DYDC2: variants seen among roughly 807,000 people sequenced by gnomAD.
DYDC2 encodes the protein DPY30 domain-containing protein 2.
Under a neutral mutation model 18.7 loss-of-function variants are expected in DYDC2, and 19 were observed. That is an observed-to-expected ratio of 1.02 (90% CI 0.71 to 1.49). DYDC2 has a LOEUF of 1.49. DYDC2 is among the 40% of genes most tolerant of loss of function. The pLI is 0.00. For synonymous variants in DYDC2, 63 were observed against 67.6 expected (o/e 0.93, Z 0.34); for missense variants, 179 against 205.1 (o/e 0.87, Z 0.78).
chr10:80,358,958 G>C (rs1315123012), intron 2 of DYDC2, among the ~76,000 whole-genome samples: 1 of 152,178 alleles, frequency 6.6e-6, no homozygotes, highest in Non-Finnish European at 1.5e-5. Flanking sequence ...GAGTGTTACA[G>C]CTCATAAAGG....
intron 4 of DYDC2, 54 bp from the exon 5 acceptor site, chr10:80,366,634 T>A: frequency 6.5e-7 from 1 of 1,537,414 alleles, no homozygotes; most frequent in East Asian, 2.3e-5. Flanking sequence ...GCCATACATC[T>A]TGTGTGCTTT....
At chr10:80,358,605 A>C (rs1023681653) in intron 2 of DYDC2, among the ~76,000 whole-genome samples, 1 of 152,210 alleles carries the variant, frequency 6.6e-6, no homozygotes, top group Non-Finnish European at 1.5e-5. Context: ...GAGAATGCAG[A>C]GTTGGTGATT....
Position 80,367,218 on chromosome 10 carries a change from A to C in DYDC2, c.*267A>C. 1 of 369,712 alleles carries C rather than the reference A, an allele frequency of 2.7e-6. No individual in the cohort carries two copies. The highest frequency in any genetic ancestry group is 4.8e-6 in the Non-Finnish European group (1 of 207,306). 22.9% of individuals were successfully genotyped at this position (369,712 alleles called of 1,614,324 possible). A position where few individuals can be genotyped will look rare whatever the true frequency, so the allele number is the denominator to read the frequency against. ...ACGTTTTGGAGACTACACAATGAAA[A>C]CACATCTGTTGGGGTGATCAGACCC... On this transcript the variant is annotated 3_prime_UTR_variant, in exon 5 of 5. Coordinates refer to ENST00000256039, the MANE Select transcript of DYDC2 (RefSeq NM_032372.6).
At chr10:80,360,887 C>T (rs1359749521) in intron 2 of DYDC2, among the ~76,000 whole-genome samples, 1 of 151,758 alleles carries the variant, frequency 6.6e-6, no homozygotes, top group Non-Finnish European at 1.5e-5. Flanking sequence ...AGCCCTGCCC[C>T]CAACCCCTCC....
intron 1 of DYDC2, 44 bp from the exon 2 acceptor site, chr10:80,357,849 G>A: frequency 2.0e-6 from 2 of 985,594 alleles, no homozygotes; most frequent in Non-Finnish European, 2.4e-6. Flanking sequence ...CATGAGGGCA[G>A]GTGGCAGAAC....
In DYDC2 at chr10:80,349,544, T is replaced by G. The variant is rs541958813; in HGVS notation, c.-310+4729T>G. 1.7e-3 allele frequency among the ~76,000 whole-genome samples: 252 copies of G among 152,330 alleles called. 2 individuals are homozygous for G. Among genetic ancestry groups the G allele is most frequent in the African/African-American group, 6.0e-3 (248 of 41,566 alleles). ...TGCTTGATATTTTATTTGCAAAAGC[T>G]TTTAAAGGTAATTTCTTAGTATTCC... is the stretch of plus-strand genomic sequence containing the variant. On this transcript the variant is annotated intron_variant, in intron 1 of 4. Transcript: ENST00000372197.
chr10:80,365,450 A>T (rs1456065163), intron 4 of DYDC2, among the ~76,000 whole-genome samples: 1 of 152,240 alleles, frequency 6.6e-6, no homozygotes, highest in Non-Finnish European at 1.5e-5. Flanking sequence ...TAAAGATCTA[A>T]ACTATACAAA....
At position 80,365,517 on chromosome 10, in the gene DYDC2, GT is replaced by G. The variant is rs200949165; in HGVS notation, c.271-1168del. On this transcript the variant is annotated intron_variant, in intron 4 of 4. Coordinates refer to ENST00000256039, the MANE Select transcript of DYDC2 (RefSeq NM_032372.6). ...AGATATTTGCTGCATAGACTCAATA[GT>G]TTGAAGTGTAGAAGGGTCTCAGAGA... Among the ~76,000 whole-genome samples the G allele has an allele frequency of 9.1e-3, 1,385 of 152,304 alleles. 20 individuals are homozygous for G. Among genetic ancestry groups the G allele is most frequent in the African/African-American group, 0.032 (1,335 of 41,550 alleles).
intron 2 of DYDC2, among the ~76,000 whole-genome samples, chr10:80,362,057 A>T (rs1052110078): frequency 1.8e-4 from 28 of 152,242 alleles, no homozygotes; most frequent in Admixed American, 1.6e-3. Context: ...TATAAGATAG[A>T]TATGGATATC....
intron 4 of DYDC2, among the ~76,000 whole-genome samples, chr10:80,364,460 G>T (rs1843763991): frequency 6.6e-6 from 1 of 151,936 alleles, no homozygotes; most frequent in African/African-American, 2.4e-5. Flanking sequence ...AATATATAAG[G>T]CAATAAGAAA....
In DYDC2 at chr10:80,359,023, A is replaced by G. The variant is rs928317512; in HGVS notation, c.-10+978A>G. Among the ~76,000 whole-genome samples, 4 of 152,244 alleles carry G rather than the reference A, an allele frequency of 2.6e-5. 1 individual carries two copies. In the South Asian group the frequency reaches 6.2e-4, roughly 24 times the overall value. Reference sequence around the variant, plus strand: ...AAGATTTACTACAAAGAGCAAAAGAACAAAGCTTCCAGTGTGGAAGGGAAC... The same window carrying G: ...AAGATTTACTACAAAGAGCAAAAGAGCAAAGCTTCCAGTGTGGAAGGGAAC... On this transcript the variant is annotated intron_variant, in intron 2 of 4. Coordinates refer to ENST00000256039, the MANE Select transcript of DYDC2 (RefSeq NM_032372.6).
intron 4 of DYDC2, among the ~76,000 whole-genome samples, chr10:80,365,222 T>C (rs1843791788): frequency 6.6e-6 from 1 of 152,160 alleles, no homozygotes; most frequent in Admixed American, 6.5e-5. Flanking sequence ...CCAGATTGAA[T>C]AGTGCTTATC....
rs1843861782 is a variant in DYDC2, at chr10:80,367,115, TATAGG to T, written c.*168_*172del. The T allele has an allele frequency of 1.3e-6, 1 of 789,900 alleles. No homozygotes were observed. Among genetic ancestry groups the T allele is most frequent in the African/African-American group, 1.8e-5 (1 of 56,906 alleles). The allele number at this position is 789,900 out of a possible 1,614,324, so 48.9% of individuals were successfully genotyped here. ...TAATCATGTGAACATTTGAACTAGT[TATAGG>T]ATAAAATAAACTCAGAATAAGGATT... On this transcript the variant is annotated 3_prime_UTR_variant, in exon 5 of 5. Transcript: ENST00000256039.
upstream of DYDC2, chr10:80,352,517 G>C: frequency 6.2e-7 from 1 of 1,613,310 alleles, no homozygotes; most frequent in Non-Finnish European, 8.5e-7. Context: ...TATTCTATCG[G>C]ATCCACTGGG....
At chr10:80,356,179 T>C, upstream of DYDC2, 1 of 931,692 alleles carries the variant, frequency 1.1e-6, no homozygotes, top group Middle Eastern at 5.5e-4. Context: ...CCAACTCCCT[T>C]AGCATGTTCC....
At chr10:80,352,054 T>A, upstream of DYDC2, 1 of 1,562,280 alleles carries the variant, frequency 6.4e-7, no homozygotes. Context: ...GAAAGCAATT[T>A]GTAAAAGCAA....
chr10:80,358,607 T>G (rs969478063), intron 2 of DYDC2, among the ~76,000 whole-genome samples: 1 of 152,056 alleles, frequency 6.6e-6, no homozygotes, highest in African/African-American at 2.4e-5. Flanking sequence ...GAATGCAGAG[T>G]TGGTGATTCT....
chr10:80,358,033 T>C lies in DYDC2; in HGVS notation c.-22T>C. The stretch of plus-strand genomic sequence containing the variant: ...CTCTGGGAAACACTGAAAAATAGCC[T>C]CTCCCCCCATTGGTGAGTGTACCCT... On this transcript the variant is annotated 5_prime_UTR_variant, in exon 2 of 5. Coordinates refer to ENST00000256039, the MANE Select transcript of DYDC2 (RefSeq NM_032372.6). The C allele has an allele frequency of 3.0e-6, 3 of 985,380 alleles. No individual in the cohort carries two copies. Among genetic ancestry groups the C allele is most frequent in the Non-Finnish European group, 3.6e-6 (3 of 830,028 alleles). The allele number at this position is 985,380 out of a possible 1,614,324, so 61.0% of individuals were successfully genotyped here.
chr10:80,359,358 T>G (rs2132885408), intron 2 of DYDC2, among the ~76,000 whole-genome samples: 1 of 152,342 alleles, frequency 6.6e-6, no homozygotes, highest in Non-Finnish European at 1.5e-5. Flanking sequence ...GAATGCTGAT[T>G]GGTGTATTTA....
Sources: allele counts gnomAD v4.1 joint callset (sites outside exome capture counted in the v4.1 genomes callset), GRCh38; gene constraint gnomAD v4.1.1; transcripts MANE v1.5; gene names NCBI Gene and HGNC (gene_info 2026-07-23, HGNC 2026-07-21).